ADAMTS13: variants seen among roughly 807,000 people sequenced by gnomAD.
ADAMTS13 encodes the protein A disintegrin and metalloproteinase with thrombospondin motifs 13.
Under a neutral mutation model 155.1 loss-of-function variants are expected in ADAMTS13, and 110 were observed. The ratio of observed to expected loss-of-function variants is 0.71; its 90% confidence interval spans 0.61 to 0.83. The LOEUF is 0.83. ADAMTS13 is among the 40% of genes least tolerant of loss of function. ADAMTS13 has a pLI of 0.00. For missense variants in ADAMTS13, 1,707 were observed against 1,891.7 expected, an observed-to-expected ratio of 0.90 and a Z score of 1.81; for synonymous variants, 758 against 756.4, an observed-to-expected ratio of 1.00 and a Z score of -0.03.
chr9:133,453,722 A>G (rs1554794891), intron 23 of ADAMTS13, among the ~76,000 whole-genome samples: 4 of 152,202 alleles, frequency 2.6e-5, no homozygotes, highest in African/African-American at 7.2e-5. Flanking sequence ...GACAGCCTCC[A>G]CAGCAAATCA....
Position 133,423,787 on chromosome 9 carries a change from G to A in ADAMTS13, c.173-534G>A, listed in dbSNP as rs182839189. On this transcript the variant is annotated intron_variant, in intron 2 of 28. Coordinates refer to ENST00000355699, the MANE Select transcript of ADAMTS13 (RefSeq NM_139027.6). ...CACACTGACCAGTGCCTGGGGCCAC[G>A]CTGGGGGCTGGATGCAGCCGACGCT... is the stretch of plus-strand genomic sequence containing the variant. 2.1e-3 allele frequency among the ~76,000 whole-genome samples: 326 copies of A among 152,340 alleles called. 2 individuals carry two copies. The highest frequency in any genetic ancestry group is 7.7e-3 in the African/African-American group (321 of 41,576).
rs781812128 is a variant in ADAMTS13 at position 133,456,079 on chromosome 9, C to T, written c.3411C>T (p.Gly1137=). The change falls in exon 26 of 29, where the codon GGC becomes GGT. Residue 1137 remains glycine, a synonymous_variant. Transcript: ENST00000355699. The surrounding 1 kb of genome is among the most constrained non-coding windows in gnomAD (Gnocchi z 4.4). ...CTGCTCCCTTTTCAGGTGCCTGTGG[C>T]AGGCAGCACCTTGAGCCAACAGGAA... The part of the protein sequence containing the change: ...AGPCVGQGAC[G]RQHLEPTGTI... 6.2e-7 allele frequency: 1 copy of T among 1,613,250 alleles called. No individual in the cohort carries two copies. Among genetic ancestry groups the T allele is most frequent in the Non-Finnish European group, 8.5e-7 (1 of 1,180,046 alleles).
At chr9:133,417,451 A>T (rs1839718433), upstream of ADAMTS13, among the ~76,000 whole-genome samples, 1 of 152,262 alleles carries the variant, frequency 6.6e-6, no homozygotes, top group Non-Finnish European at 1.5e-5. Context: ...TCAAGCAAAC[A>T]AGTTCGAGAC....
chr9:133,455,731 G>T (rs1052559818), intron 25 of ADAMTS13: 4 of 1,292,976 alleles, frequency 3.1e-6, no homozygotes, highest in Non-Finnish European at 4.4e-6. Context: ...CGGGATCAGG[G>T]CTGGCCCTCT....
chr9:133,439,643 G>C (rs1841514243), intron 15 of ADAMTS13, among the ~76,000 whole-genome samples, 197 bp downstream of exon 15: 1 of 152,244 alleles, frequency 6.6e-6, no homozygotes, highest in African/African-American at 2.4e-5. Flanking sequence ...CCTTCCAGAA[G>C]AACACAGGTT....
rs149175416 is a variant in ADAMTS13 at position 133,425,958 on chromosome 9, C to A, written c.435C>A (p.Ala145=). Residue 145 remains alanine (A), a synonymous_variant, in exon 5 of 29, where the codon GCC becomes GCA. Transcript: ENST00000355699. This position sits in a 1 kb window ranked among gnomAD's most constrained non-coding sequence, Gnocchi z 4.6. ...TEPEGAPNIT[A]NLTSSLLSVC... ...CGCAGGGTGCTCCAAATATCACAGCCAACCTCACCTCGTCCCTGCTGAGCG... is the reference window on the plus strand; with the variant it reads ...CGCAGGGTGCTCCAAATATCACAGCAAACCTCACCTCGTCCCTGCTGAGCG... The A allele has an allele frequency of 6.2e-7, 1 of 1,613,768 alleles. No homozygotes were observed. Among genetic ancestry groups the A allele is most frequent in the Non-Finnish European group, 8.5e-7 (1 of 1,180,028 alleles).
intron 19 of ADAMTS13, 31 bp from the exon 20 acceptor site, chr9:133,444,832 G>A: frequency 6.2e-7 from 1 of 1,610,062 alleles, no homozygotes; most frequent in South Asian, 1.1e-5. Flanking sequence ...GGCAGAGGCA[G>A]GGCCTGATGA....
Position 133,422,462 on chromosome 9 carries a change from C to CG in ADAMTS13, c.22dup (p.Ala8GlyfsTer131). On this transcript the variant is annotated frameshift_variant, in exon 1 of 29. Coordinates refer to ENST00000355699, the MANE Select transcript of ADAMTS13 (RefSeq NM_139027.6). LOFTEE classifies it high-confidence loss of function. Reference sequence around the variant, plus strand: ...CCTGAGGATGCACCAGCGTCACCCCCGGGCAAGATGCCCTCCCCTCTGTGT... The same window carrying CG: ...CCTGAGGATGCACCAGCGTCACCCCCGGGGCAAGATGCCCTCCCCTCTGTGT... The CG allele has an allele frequency of 4.3e-6, 7 of 1,613,842 alleles. No individual in the cohort carries two copies. The highest frequency in any genetic ancestry group is 5.9e-6 in the Non-Finnish European group (7 of 1,180,002).
At position 133,444,852 on chromosome 9, in the gene ADAMTS13, G is replaced by A. The variant is rs1554791978; in HGVS notation, c.2421-11G>A. 6.2e-7 allele frequency: 1 copy of A among 1,612,456 alleles called. No homozygotes were observed. On this transcript the variant is annotated splice_polypyrimidine_tract_variant and intron_variant, in intron 19 of 28. Transcript: ENST00000355699. The stretch of plus-strand genomic sequence containing the variant: ...AGGCAGGGCCTGATGACTGTCTCAT[G>A]CCATCCTCAGGTGGGAGGTGTCAGA...
At chr9:133,433,162 A>G (rs1214661549) in intron 9 of ADAMTS13, among the ~76,000 whole-genome samples, 1 of 76,276 alleles carries the variant, frequency 1.3e-5, no homozygotes, top group African/African-American at 5.6e-5. Context: ...TGGCTGGGGT[A>G]CCTGTGTGTT....
rs371266006 is a variant in ADAMTS13, at chr9:133,440,408, C to T, written c.1851C>T (p.Tyr617=). The T allele has an allele frequency of 1.1e-5, 18 of 1,613,810 alleles. No homozygotes were observed. Among genetic ancestry groups the T allele is most frequent in the Admixed American group, 1.7e-5 (1 of 60,002 alleles). ...GKMSISPNTT[Y]PSLLEDGRVE... is the part of the protein sequence containing the mutation. ...TGAGCATCTCCCCTAACACCACCTA[C>T]CCCTCCCTCCTGGAGGATGGTCGTG... The change falls in exon 16 of 29, where the codon TAC becomes TAT. Residue 617 remains tyrosine (Y), a synonymous_variant. Coordinates refer to ENST00000355699, the MANE Select transcript of ADAMTS13 (RefSeq NM_139027.6). This position sits in a 1 kb window ranked among gnomAD's most constrained non-coding sequence, Gnocchi z 4.3.
chr9:133,414,611 C>CCTT lies in ADAMTS13; in HGVS notation n.255_257dup, dbSNP rs1159970748. 5 of 1,511,166 alleles carry CCTT rather than the reference C, an allele frequency of 3.3e-6. 1 individual carries two copies. Among genetic ancestry groups the CCTT allele is most frequent in the Non-Finnish European group, 1.8e-6 (2 of 1,086,576 alleles). 93.6% of individuals were successfully genotyped at this position (1,511,166 alleles called of 1,614,324 possible). ...CCACCAGCCTCCATAAGGAGACAGG[C>CCTT]CTTGGTGAAGTCGCTGTGCCTCGGT... On this transcript the variant is annotated non_coding_transcript_exon_variant, in exon 1 of 18. Transcript: ENST00000485925.
Position 133,457,954 on chromosome 9 carries a change from C to T in ADAMTS13, c.3769C>T (p.Pro1257Ser). ...LFGPWGEIVS[P>S]SLSPATSNAG... is the part of the protein sequence containing the mutation. ...TGGGCCCTGGGGTGAAATCGTGAGC[C>T]CCTCGCTGAGTCCAGCCACGAGTAA... Residue 1257 changes from proline to serine, a missense_variant, in exon 28 of 29, where the codon CCC becomes TCC. Physicochemically the swap from Pro to Ser is moderately conservative, Grantham distance 74. This residue lies in a region of ADAMTS13 where 961 missense variants were observed against 1,107.9 expected (regional missense o/e 0.87). Transcript: ENST00000355699. 6.2e-7 allele frequency: 1 copy of T among 1,613,756 alleles called. No homozygotes were observed. The highest frequency in any genetic ancestry group is 1.1e-5 in the South Asian group (1 of 91,084).
At chr9:133,431,329 A>ATTT (rs60906567) in intron 8 of ADAMTS13, among the ~76,000 whole-genome samples, 6 of 137,426 alleles carry the variant, frequency 4.4e-5, no homozygotes, top group Non-Finnish European at 7.8e-5. Context: ...TCATTTTTTC[A>ATTT]TTTTTTTTTT....
intron 21 of ADAMTS13, among the ~76,000 whole-genome samples, chr9:133,446,899 C>T (rs1014714922): frequency 3.3e-5 from 5 of 152,036 alleles, no homozygotes; most frequent in Middle Eastern, 3.2e-3. Flanking sequence ...ATTCTGTTGC[C>T]GAGGCTGGAG....
At chr9:133,451,507 C>G (rs1208792507) in intron 23 of ADAMTS13, among the ~76,000 whole-genome samples, 1 of 152,202 alleles carries the variant, frequency 6.6e-6, no homozygotes, top group Non-Finnish European at 1.5e-5. Context: ...ATCTGCCTAC[C>G]TCAGCATTCC....
At position 133,441,923 on chromosome 9, in the gene ADAMTS13, CAG is replaced by C. The variant is rs1304570269; in HGVS notation, c.1969-475_1969-474del. On this transcript the variant is annotated intron_variant, in intron 16 of 28. Coordinates refer to ENST00000355699, the MANE Select transcript of ADAMTS13 (RefSeq NM_139027.6). This position sits in a 1 kb window ranked among gnomAD's most constrained non-coding sequence, Gnocchi z 5.0. The stretch of plus-strand genomic sequence containing the variant: ...CCTCCACTGCACTTTATCCTCTACC[CAG>C]CCAGCTTAGGGAACCTTCTCTGTGC... Among the ~76,000 whole-genome samples the C allele has an allele frequency of 6.6e-6, 1 of 152,180 alleles. No individual in the cohort carries two copies. Among genetic ancestry groups the C allele is most frequent in the Non-Finnish European group, 1.5e-5 (1 of 68,034 alleles).
At chr9:133,429,906 A>ACTGAGCCGGGC (rs782170431) in intron 7 of ADAMTS13, 33 bp from the exon 8 acceptor site, 173 of 1,534,288 alleles carry the variant, frequency 1.1e-4, no homozygotes, top group Non-Finnish European at 1.4e-4. Flanking sequence ...ACACCCCGGG[A>ACTGAGCCGGGC]CTGAGCCGGG....
intron 7 of ADAMTS13, 98 bp from the exon 8 acceptor site, chr9:133,429,841 C>A: frequency 1.4e-6 from 2 of 1,470,962 alleles, no homozygotes; most frequent in Non-Finnish European, 1.8e-6. Context: ...AAAGGCCACG[C>A]TTCCAAACGC....
Sources: gnomAD v4.1 joint callset for allele counts (sites outside exome capture counted in the v4.1 genomes callset) on GRCh38, gnomAD v4.1.1 for gene constraint, gnomAD v4.1.1 regional missense constraint, Gnocchi (gnomAD v3.1) non-coding constraint, MANE v1.5 for transcripts, NCBI Gene and HGNC (gene_info 2026-07-23, HGNC 2026-07-21) for gene names.